Variants in ZNF100 observed in about 807,000 individuals in gnomAD.
ZNF100 encodes the protein zinc finger protein 100 (Y1).
A neutral mutation model predicts 15.8 loss-of-function variants in ZNF100; 12 were observed. The ratio of observed to expected loss-of-function variants is 0.76; its 90% CI spans 0.49 to 1.23. The LOEUF is 1.23. Among genes scored for constraint, ZNF100 ranks in the 50% most tolerant of loss-of-function variants. The pLI, the probability that ZNF100 is intolerant of heterozygous loss-of-function variation, is 0.00. For synonymous variants in ZNF100, 226 were observed against 214.8 expected (o/e 1.05, Z -0.45); for missense variants, 670 against 635.6 (o/e 1.05, Z -0.58).
chr19:21,742,699 A>G (rs1219481971), intron 4 of ZNF100, among the ~76,000 whole-genome samples: 1 of 152,054 alleles, frequency 6.6e-6, no homozygotes. Context: ...CTTTTTGTGG[A>G]TCATATGATC....
chr19:21,750,133 T>G (rs1027442413), intron 2 of ZNF100, among the ~76,000 whole-genome samples: 1 of 152,154 alleles, frequency 6.6e-6, no homozygotes, highest in East Asian at 1.9e-4. Context: ...AAAATACATC[T>G]TCCAAAGACT....
At chr19:21,739,622 T>C (rs1012791616) in intron 4 of ZNF100, among the ~76,000 whole-genome samples, 1 of 152,090 alleles carries the variant, frequency 6.6e-6, no homozygotes, top group African/African-American at 2.4e-5. Flanking sequence ...TGACCAAAAC[T>C]GAATAAAACT....
At position 21,754,021 on chromosome 19, in the gene ZNF100, G is replaced by A. The variant is rs1192624500; in HGVS notation, c.97-8954C>T. ...CCATCTAAATTTGAAAAACTAAAAG[G>A]AGATTAGTGTTCTCAATTATGTGAA... On this transcript the variant is annotated intron_variant, in intron 2 of 4. Coordinates refer to ENST00000358296, the MANE Select transcript of ZNF100 (RefSeq NM_173531.4). 2.6e-5 allele frequency among the ~76,000 whole-genome samples: 4 copies of A among 152,112 alleles called. No homozygotes were observed. In the East Asian group the frequency reaches 7.7e-4, roughly 29 times the overall value.
Position 21,760,515 on chromosome 19 carries a change from A to G in ZNF100, c.96+5179T>C, listed in dbSNP as rs188067566. 2.7e-3 allele frequency among the ~76,000 whole-genome samples: 413 copies of G among 152,002 alleles called. 2 individuals are homozygous for G. Among genetic ancestry groups the G allele is most frequent in the African/African-American group, 9.5e-3 (396 of 41,488 alleles). ...ATCTAAAAAAAAATAAAATAAAATA[A>G]TAATAATAATTACATTGTTACCTAA... On this transcript the variant is annotated intron_variant, in intron 2 of 4. Coordinates refer to ENST00000358296, the MANE Select transcript of ZNF100 (RefSeq NM_173531.4).
At chr19:21,728,280 T>G (rs1447739460) in intron 4 of ZNF100, among the ~76,000 whole-genome samples, 35 of 152,098 alleles carry the variant, frequency 2.3e-4, no homozygotes, top group Admixed American at 1.9e-3. Context: ...CTCCCCAATA[T>G]AACATACTGT....
At chr19:21,753,349 G>C (rs1170567506) in intron 2 of ZNF100, 3 of 152,172 alleles carry the variant, frequency 2.0e-5, no homozygotes, top group Non-Finnish European at 4.4e-5. Flanking sequence ...TGAGGTGGGA[G>C]GATTACTTGA....
intron 4 of ZNF100, among the ~76,000 whole-genome samples, chr19:21,732,338 A>G (rs778779332): frequency 6.6e-6 from 1 of 152,232 alleles, no homozygotes; most frequent in African/African-American, 2.4e-5. Flanking sequence ...GAGAATTTTT[A>G]TAACTGGTCA....
chr19:21,733,213 C>A (rs1332306491), intron 4 of ZNF100, among the ~76,000 whole-genome samples: 6 of 151,784 alleles, frequency 4.0e-5, no homozygotes, highest in Admixed American at 3.3e-4. Context: ...GCACATAAAA[C>A]CCTTACAGTT....
At position 21,738,349 on chromosome 19, in the gene ZNF100, T is replaced by C. The variant is rs567970825; in HGVS notation, c.322+5668A>G. The stretch of plus-strand genomic sequence containing the variant: ...ATGTGGAACCCAAAAAGGCCCCATA[T>C]AGCCAAGACAATCTTAGGCAAAAAG... On this transcript the variant is annotated intron_variant, in intron 4 of 4. Transcript: ENST00000358296. Among the ~76,000 whole-genome samples the C allele has an allele frequency of 2.2e-5, 3 of 138,364 alleles. No individual in the cohort carries two copies. In the East Asian group the frequency reaches 7.2e-4, roughly 33 times the overall value. The allele number at this position is 138,364 out of a possible 152,430, so 90.8% of individuals were successfully genotyped here. A position where few individuals can be genotyped will look rare whatever the true frequency, so the allele number is the denominator to read the frequency against.
chr19:21,734,558 G>A (rs2035976086), intron 4 of ZNF100, among the ~76,000 whole-genome samples: 1 of 152,162 alleles, frequency 6.6e-6, no homozygotes, highest in Non-Finnish European at 1.5e-5. Flanking sequence ...ATTGGATTAT[G>A]TAAACAGACC....
At position 21,725,439 on chromosome 19, in the gene ZNF100, C is replaced by T. The variant is rs2035760638; in HGVS notation, c.*1244G>A. 1 of 152,104 alleles carries T rather than the reference C, an allele frequency of 6.6e-6. No individual in the cohort carries two copies. Among genetic ancestry groups the T allele is most frequent in the Admixed American group, 6.5e-5 (1 of 15,268 alleles). 9.4% of individuals were successfully genotyped at this position (152,104 alleles called of 1,614,324 possible). A position where few individuals can be genotyped will look rare whatever the true frequency, so the allele number is the denominator to read the frequency against. ...TATTACTCTGAATGCCTAACGCACA[C>T]ATTGCTTAATATTATAAGTTAACCA... On this transcript the variant is annotated 3_prime_UTR_variant, in exon 5 of 5. Coordinates refer to ENST00000358296, the MANE Select transcript of ZNF100 (RefSeq NM_173531.4).
At chr19:21,748,417 T>C (rs1304672559) in intron 2 of ZNF100, among the ~76,000 whole-genome samples, 1 of 152,174 alleles carries the variant, frequency 6.6e-6, no homozygotes, top group African/African-American at 2.4e-5. Flanking sequence ...ACTGGAGTAT[T>C]TCCAGTTCTG....
chr19:21,751,141 C>G, intron 2 of ZNF100: 1 of 1,364,374 alleles, frequency 7.3e-7, no homozygotes, highest in South Asian at 1.2e-5. Flanking sequence ...AACCGATGTG[C>G]GAGACAAGAG....
At chr19:21,767,167 G>C (rs2036577595) in intron 1 of ZNF100, among the ~76,000 whole-genome samples, 1 of 152,188 alleles carries the variant, frequency 6.6e-6, no homozygotes, top group African/African-American at 2.4e-5. Context: ...TGAGAGAGAC[G>C]CGGCGCTGCG....
chr19:21,738,321 T>A (rs1433816212), intron 4 of ZNF100, among the ~76,000 whole-genome samples: 1 of 105,010 alleles, frequency 9.5e-6, no homozygotes, highest in African/African-American at 3.6e-5. Flanking sequence ...TATTTTAAAA[T>A]TAATGTGGAA....
intron 2 of ZNF100, among the ~76,000 whole-genome samples, chr19:21,754,337 TTTTA>T (rs2036358342): frequency 6.6e-6 from 1 of 152,200 alleles, no homozygotes; most frequent in Non-Finnish European, 1.5e-5. Flanking sequence ...TTTATGTGGT[TTTTA>T]TTTCTCATGT....
intron 4 of ZNF100, among the ~76,000 whole-genome samples, chr19:21,742,027 T>C (rs2036118226): frequency 6.6e-6 from 1 of 152,068 alleles, no homozygotes; most frequent in Admixed American, 6.6e-5. Context: ...CTGGGCGCGG[T>C]GGCCCATGCT....
At chr19:21,732,965 G>A (rs1466758167) in intron 4 of ZNF100, among the ~76,000 whole-genome samples, 7 of 152,104 alleles carry the variant, frequency 4.6e-5, no homozygotes, top group Non-Finnish European at 1.0e-4. Context: ...AGTGGCTCAG[G>A]CCTGTAATTC....
intron 3 of ZNF100, 135 bp from the exon 4 acceptor site, chr19:21,744,250 T>G: frequency 1.0e-5 from 8 of 794,994 alleles, no homozygotes; most frequent in Non-Finnish European, 8.7e-6. Context: ...GAGAAATTTC[T>G]AAATATTTAG....
Sources: allele counts gnomAD v4.1 joint callset (sites outside exome capture counted in the v4.1 genomes callset), GRCh38; gene constraint gnomAD v4.1.1; transcripts MANE v1.5; gene names NCBI Gene and HGNC (gene_info 2026-07-23, HGNC 2026-07-21).